CSF1R: variants seen among roughly 807,000 people sequenced by gnomAD.
CSF1R encodes the protein macrophage colony-stimulating factor 1 receptor.
CSF1R carries 40 observed loss-of-function variants against 110.0 expected under a neutral mutation model. The ratio of observed to expected loss-of-function variants is 0.36; its 90% CI spans 0.28 to 0.47. The LOEUF is 0.47. CSF1R is among the 20% of genes least tolerant of loss of function. The probability of loss-of-function intolerance (pLI) is 0.99; values close to 1 mark genes in which losing one functional copy is unlikely to be tolerated. For missense variants in CSF1R, 1,052 were observed against 1,253.0 expected (o/e 0.84, Z 2.42); for synonymous variants, 523 against 503.4 (o/e 1.04, Z -0.52).
chr5:150,057,660 G>A, intron 14 of CSF1R, 68 bp from the exon 15 acceptor site: 1 of 1,187,144 alleles, frequency 8.4e-7, no homozygotes. Flanking sequence ...CTCAGGCCTT[G>A]ACCACCCACC....
chr5:150,091,256 G>A (rs1462112194), upstream of CSF1R, among the ~76,000 whole-genome samples: 1 of 152,172 alleles, frequency 6.6e-6, no homozygotes, highest in Non-Finnish European at 1.5e-5. Context: ...ACATAGAATT[G>A]TCATATGATC....
intron 2 of CSF1R, 124 bp downstream of exon 2, chr5:150,080,643 G>T: frequency 8.0e-7 from 1 of 1,253,338 alleles, no homozygotes; most frequent in Non-Finnish European, 1.1e-6. Context: ...AGCTCTTCCA[G>T]GTCCTTGCTC....
chr5:150,072,963 C>A (rs1384824801), intron 6 of CSF1R, among the ~76,000 whole-genome samples: 1 of 152,062 alleles, frequency 6.6e-6, no homozygotes, highest in Admixed American at 6.6e-5. Flanking sequence ...CTGTTTTCTG[C>A]ATTTGGATTG....
chr5:150,061,689 T>C, intron 11 of CSF1R, 34 bp downstream of exon 11: 3 of 1,614,152 alleles, frequency 1.9e-6, no homozygotes, highest in Non-Finnish European at 2.5e-6. Flanking sequence ...GGCCCTGTGA[T>C]AGGAAGCTGT....
At position 150,061,794 on chromosome 5, in the gene CSF1R, T is replaced by C. The variant is rs370659554; in HGVS notation, c.1682A>G (p.Tyr561Cys). The stretch of plus-strand genomic sequence containing the variant: ...CAGCTGCGTGGGGTCGATGAAAGTA[T>C]AACTGTTGCCCTCATAGCTCTCGAT... The part of the protein sequence containing the change: ...KIIESYEGNS[Y>C]TFIDPTQLPY... Residue 561 changes from tyrosine (Y) to cysteine (C), a missense_variant, in exon 11 of 21, where the codon TAT becomes TGT. Coordinates refer to ENST00000675795, the MANE Select transcript of CSF1R (RefSeq NM_001288705.3). 5 of 1,614,078 alleles carry C rather than the reference T, an allele frequency of 3.1e-6. No homozygotes were observed. In the African/African-American group the frequency reaches 4.0e-5, roughly 13 times the overall value.
rs900341512 is a variant in CSF1R, at chr5:150,069,786, C to T, written c.1510+87G>A. ...AAGGTGGAGCCAACCCCAGCTCCCT[C>T]GGTGGGGGGTGGGGGAGGAGCCGCC... On this transcript the variant is annotated intron_variant, in intron 9 of 20. Transcript: ENST00000675795. 105 of 1,267,276 alleles carry T rather than the reference C, an allele frequency of 8.3e-5. No homozygotes were observed. In the Admixed American group the frequency reaches 1.1e-3, roughly 13 times the overall value. The allele number at this position is 1,267,276 out of a possible 1,614,324, so 78.5% of individuals were successfully genotyped here. A position where few individuals can be genotyped will look rare whatever the true frequency, so the allele number is the denominator to read the frequency against.
At chr5:150,107,783 T>G (rs1759597539) in intron 1 of CSF1R, among the ~76,000 whole-genome samples, 3 of 152,242 alleles carry the variant, frequency 2.0e-5, no homozygotes, top group Non-Finnish European at 4.4e-5. Flanking sequence ...AGGCCTTGTT[T>G]CTTCATTATG....
intron 13 of CSF1R, 116 bp downstream of exon 13, chr5:150,060,731 GTGACCGGGATCCCCC>G: frequency 1.6e-6 from 1 of 613,428 alleles, no homozygotes; most frequent in Non-Finnish European, 2.9e-6. Flanking sequence ...AAGGGATGCT[GTGACCGGGATCCCCC>G]TGACACTTGG....
At chr5:150,054,652 A>G (rs1314600110) in intron 19 of CSF1R, 2 of 510,156 alleles carry the variant, frequency 3.9e-6, no homozygotes, top group Non-Finnish European at 3.4e-6. Context: ...AGATGAGGCC[A>G]TTTTGGTATC....
At chr5:150,107,616 C>T (rs1028255042) in intron 1 of CSF1R, among the ~76,000 whole-genome samples, 2 of 152,222 alleles carry the variant, frequency 1.3e-5, no homozygotes, top group Admixed American at 1.3e-4. Context: ...AACCCTGGAA[C>T]CCAGAGCCAG....
chr5:150,100,488 G>A (rs1290893321), intron 1 of CSF1R, among the ~76,000 whole-genome samples: 5 of 151,630 alleles, frequency 3.3e-5, no homozygotes, highest in South Asian at 2.1e-4. Context: ...TAGTGGAGAC[G>A]GGCTTTCACC....
chr5:150,109,058 GCCCCCCCCCCA>G (rs1759635625), intron 1 of CSF1R, among the ~76,000 whole-genome samples: 38 of 119,618 alleles, frequency 3.2e-4, no homozygotes, highest in Non-Finnish European at 3.9e-4. Flanking sequence ...GGAGAAGCCC[GCCCCCCCCCCA>G]CCACCCAAGA....
intron 1 of CSF1R, among the ~76,000 whole-genome samples, chr5:150,109,995 T>C (rs917101681): frequency 6.6e-6 from 1 of 152,212 alleles, no homozygotes; most frequent in Non-Finnish European, 1.5e-5. Flanking sequence ...TTTTAAAGTT[T>C]AACTTCCTGG....
chr5:150,077,730 C>T (rs1561935313), intron 4 of CSF1R, among the ~76,000 whole-genome samples: 2 of 152,154 alleles, frequency 1.3e-5, no homozygotes, highest in Non-Finnish European at 2.9e-5. Context: ...CCTCCTCCTC[C>T]CTCTCTCCCA....
intron 9 of CSF1R, 106 bp downstream of exon 9, chr5:150,069,767 G>A: frequency 8.7e-7 from 1 of 1,152,756 alleles, no homozygotes; most frequent in South Asian, 1.6e-5. Context: ...TCCAAAGGTG[G>A]AGCCAACCCC....
chr5:150,107,393 G>C (rs1186143796), intron 1 of CSF1R, among the ~76,000 whole-genome samples: 1 of 152,128 alleles, frequency 6.6e-6, no homozygotes, highest in African/African-American at 2.4e-5. Context: ...TTAACACAGG[G>C]GCATGAAGAA....
At chr5:150,057,845 C>T (rs2113783416) in intron 14 of CSF1R, among the ~76,000 whole-genome samples, 1 of 152,278 alleles carries the variant, frequency 6.6e-6, no homozygotes. Context: ...GCCAATCTAC[C>T]CCTGAGATTT....
At chr5:150,069,664 A>T (rs187691573) in intron 9 of CSF1R, among the ~76,000 whole-genome samples, 169 of 152,190 alleles carry the variant, frequency 1.1e-3, no homozygotes, top group Middle Eastern at 0.01. Context: ...GCTTTCTCAG[A>T]GACTACCCCG....
chr5:150,095,074 A>G (rs1383208438), intron 1 of CSF1R: 2 of 586,398 alleles, frequency 3.4e-6, no homozygotes, highest in Non-Finnish European at 3.0e-6. Flanking sequence ...TATTTTTCTA[A>G]GCTGGTTGGT....
Sources: gnomAD v4.1 joint callset for allele counts (sites outside exome capture counted in the v4.1 genomes callset) on GRCh38, gnomAD v4.1.1 for gene constraint, MANE v1.5 for transcripts, NCBI Gene and HGNC (gene_info 2026-07-23, HGNC 2026-07-21) for gene names.